The following ADCY8 variants were observed in gnomAD, a reference collection of about 807,000 sequenced individuals.
ADCY8 encodes the protein adenylate cyclase type 8.
In ADCY8, 51 loss-of-function variants were observed where a neutral mutation model predicts 119.7. The ratio of observed to expected loss-of-function variants is 0.43; its 90% CI spans 0.34 to 0.54. ADCY8 has a LOEUF of 0.54. Among genes scored for constraint, ADCY8 ranks in the 20% least tolerant of loss-of-function variants. The probability of loss-of-function intolerance (pLI) is 0.03; values close to 1 mark genes in which losing one functional copy is unlikely to be tolerated. For missense variants in ADCY8, 1,383 were observed against 1,598.8 expected, an observed-to-expected ratio of 0.87 and a Z score of 2.30; for synonymous variants, 665 against 651.0, an observed-to-expected ratio of 1.02 and a Z score of -0.33.
At chr8:130,982,336 G>T (rs183487962) in intron 2 of ADCY8, among the ~76,000 whole-genome samples, 122 of 152,254 alleles carry the variant, frequency 8.0e-4, no homozygotes, top group African/African-American at 2.8e-3. Flanking sequence ...GTGCCAAAAA[G>T]AAAGAAATAA....
intron 9 of ADCY8, among the ~76,000 whole-genome samples, chr8:130,861,815 T>TC (rs1817938770): frequency 6.6e-6 from 1 of 152,124 alleles, no homozygotes; most frequent in Non-Finnish European, 1.5e-5. Context: ...GCTTTTTTTT[T>TC]TGGGAGATAT....
intron 8 of ADCY8, among the ~76,000 whole-genome samples, chr8:130,880,861 A>T (rs1818744697): frequency 6.6e-6 from 1 of 152,216 alleles, no homozygotes; most frequent in Non-Finnish European, 1.5e-5. Context: ...CACCATGATC[A>T]TAGGAAATTC....
At chr8:130,794,795 C>T (rs1463975385) in intron 15 of ADCY8, among the ~76,000 whole-genome samples, 1 of 152,214 alleles carries the variant, frequency 6.6e-6, no homozygotes, top group Non-Finnish European at 1.5e-5. Flanking sequence ...ATTTAACTTA[C>T]AATGACCCTA....
intron 6 of ADCY8, among the ~76,000 whole-genome samples, chr8:130,906,121 C>T (rs891542537): frequency 1.3e-5 from 2 of 152,224 alleles, no homozygotes; most frequent in African/African-American, 4.8e-5. Context: ...GATGTTTTCA[C>T]TCTCTTGAGA....
chr8:130,943,177 C>T, intron 4 of ADCY8, 174 bp downstream of exon 4: 3 of 515,772 alleles, frequency 5.8e-6, no homozygotes, highest in Non-Finnish European at 1.0e-5. Context: ...TGCATGAGAC[C>T]TGTAAATAGC....
At chr8:130,879,157 C>T (rs1045117025) in intron 8 of ADCY8, among the ~76,000 whole-genome samples, 14 of 152,094 alleles carry the variant, frequency 9.2e-5, no homozygotes, top group Admixed American at 5.2e-4. Context: ...AGAGCCATTT[C>T]CCAGAAGAGA....
At chr8:131,005,760 G>C (rs1048122389) in intron 1 of ADCY8, among the ~76,000 whole-genome samples, 3 of 152,112 alleles carry the variant, frequency 2.0e-5, no homozygotes, top group Non-Finnish European at 4.4e-5. Flanking sequence ...GAGCTCTTGT[G>C]AGGGCCTGGT....
At chr8:131,006,497 T>A (rs2130772043) in intron 1 of ADCY8, among the ~76,000 whole-genome samples, 1 of 152,244 alleles carries the variant, frequency 6.6e-6, no homozygotes, top group African/African-American at 2.4e-5. Flanking sequence ...ATGATGAGAT[T>A]TTTCCCCATG....
Position 130,814,160 on chromosome 8 carries a change from T to G in ADCY8, c.2822A>C (p.Lys941Thr), listed in dbSNP as rs1157031689. The G allele has an allele frequency of 1.2e-6, 2 of 1,614,028 alleles. No homozygotes were observed. Among genetic ancestry groups the G allele is most frequent in the African/African-American group, 2.7e-5 (2 of 74,906 alleles). Residue 941 changes from lysine (K) to threonine (T), a missense_variant, in exon 14 of 18, where the codon AAG (lysine) becomes ACG (threonine). Transcript: ENST00000286355. ...VQAKEEINEM[K>T]ELREHNENML... ...GTTCTCATTGTGTTCCCTCAGCTCC[T>G]TCATCTCATTGATCTCCTCTTTGGC...
At chr8:130,894,905 GA>G (rs1351438622) in intron 7 of ADCY8, among the ~76,000 whole-genome samples, 4 of 152,062 alleles carry the variant, frequency 2.6e-5, no homozygotes, top group Admixed American at 6.6e-5. Flanking sequence ...TGCTTGGAAA[GA>G]AAAACCTTCC....
intron 1 of ADCY8, among the ~76,000 whole-genome samples, chr8:131,035,657 G>A (rs568209109): frequency 6.2e-4 from 95 of 152,228 alleles, no homozygotes; most frequent in African/African-American, 2.2e-3. Context: ...AGGGAAAGCA[G>A]ATTCTCATAG....
At chr8:130,980,303 C>T (rs530599443) in intron 2 of ADCY8, among the ~76,000 whole-genome samples, 71 of 152,172 alleles carry the variant, frequency 4.7e-4, no homozygotes, top group African/African-American at 1.3e-3. Context: ...TTTTGAGGTT[C>T]GGGGGAACAT....
At chr8:130,919,543 G>T (rs1332273086) in intron 5 of ADCY8, among the ~76,000 whole-genome samples, 2 of 152,160 alleles carry the variant, frequency 1.3e-5, no homozygotes, top group African/African-American at 2.4e-5. Context: ...GGGAAGAAAA[G>T]GTCCTGATTT....
At chr8:130,852,275 T>C (rs1300935079) in intron 9 of ADCY8, among the ~76,000 whole-genome samples, 1 of 152,160 alleles carries the variant, frequency 6.6e-6, no homozygotes, top group African/African-American at 2.4e-5. Flanking sequence ...TGTTTTTGAC[T>C]AGCAAAGTTT....
intron 4 of ADCY8, 141 bp from the exon 5 acceptor site, chr8:130,937,341 C>T (rs897917040): frequency 7.1e-6 from 6 of 840,276 alleles, no homozygotes; most frequent in Middle Eastern, 3.7e-4. Flanking sequence ...ATACTTCTAC[C>T]TGTCTTTCTA....
At chr8:130,861,619 A>T (rs1348027539) in intron 9 of ADCY8, among the ~76,000 whole-genome samples, 3 of 152,274 alleles carry the variant, frequency 2.0e-5, no homozygotes, top group African/African-American at 7.2e-5. Flanking sequence ...TGTCATTGGT[A>T]GATAAACATA....
chr8:130,839,831 A>G (rs1464404790), intron 11 of ADCY8, among the ~76,000 whole-genome samples: 1 of 140,230 alleles, frequency 7.1e-6, no homozygotes, highest in Non-Finnish European at 1.6e-5. Context: ...GGAAATCTGT[A>G]CTTTATTCTG....
chr8:130,982,883 C>G (rs954864389), intron 2 of ADCY8, among the ~76,000 whole-genome samples: 1 of 152,118 alleles, frequency 6.6e-6, no homozygotes, highest in Non-Finnish European at 1.5e-5. Flanking sequence ...ATTGTACATG[C>G]ACAGCATGTC....
At position 130,955,754 on chromosome 8, in the gene ADCY8, C is replaced by G. The variant is rs1478335387; in HGVS notation, c.1111-3756G>C. The stretch of plus-strand genomic sequence containing the variant: ...ATAGTGGGTTTCCTTTTGTGGAACT[C>G]AGCTACTTTTCAGACACATGGACTC... On this transcript the variant is annotated intron_variant, in intron 2 of 17. Coordinates refer to ENST00000286355, the MANE Select transcript of ADCY8 (RefSeq NM_001115.3). Among the ~76,000 whole-genome samples the G allele has an allele frequency of 2.6e-5, 4 of 152,122 alleles. No individual in the cohort carries two copies. The South Asian group carries it at 8.3e-4, about 32-fold the overall frequency.
Sources: allele counts gnomAD v4.1 joint callset (sites outside exome capture counted in the v4.1 genomes callset), GRCh38; gene constraint gnomAD v4.1.1; transcripts MANE v1.5; gene names NCBI Gene and HGNC (gene_info 2026-07-23, HGNC 2026-07-21).